SGCZ: variants seen among roughly 807,000 people sequenced by gnomAD.
SGCZ encodes sarcoglycan zeta.
In SGCZ, 40 loss-of-function variants were observed where a neutral mutation model predicts 41.3. The ratio of observed to expected loss-of-function variants is 0.97; its 90% confidence interval spans 0.75 to 1.26. SGCZ has a LOEUF of 1.26. Among genes scored for constraint, SGCZ ranks in the 50% most tolerant of loss-of-function variants. SGCZ has a pLI of 0.00. For missense variants in SGCZ, 552 were observed against 369.8 expected (o/e 1.49, Z -4.04); for synonymous variants, 206 against 137.5 (o/e 1.50, Z -3.49).
At chr8:14,546,660 T>C (rs1803637904) in intron 2 of SGCZ, among the ~76,000 whole-genome samples, 1 of 152,120 alleles carries the variant, frequency 6.6e-6, no homozygotes, top group Admixed American at 6.6e-5. Context: ...TTTGAGGGTA[T>C]TAAGATATCT....
At chr8:15,221,298 A>T (rs1197497554) in intron 1 of SGCZ, among the ~76,000 whole-genome samples, 1 of 152,160 alleles carries the variant, frequency 6.6e-6, no homozygotes, top group Non-Finnish European at 1.5e-5. Flanking sequence ...ATCAAACTAA[A>T]CTAACATGGG....
intron 1 of SGCZ, among the ~76,000 whole-genome samples, chr8:14,966,195 A>C (rs1801121430): frequency 6.6e-6 from 1 of 151,964 alleles, no homozygotes; most frequent in Non-Finnish European, 1.5e-5. Context: ...AACAAACCCA[A>C]GGCAAGAATG....
intron 1 of SGCZ, among the ~76,000 whole-genome samples, chr8:14,885,163 A>G (rs893014828): frequency 1.3e-5 from 2 of 152,170 alleles, no homozygotes; most frequent in East Asian, 1.9e-4. Context: ...TGTATCACAT[A>G]CGAATCTCTA....
intron 5 of SGCZ, among the ~76,000 whole-genome samples, chr8:14,108,609 G>T (rs887998868): frequency 2.0e-5 from 3 of 152,008 alleles, no homozygotes; most frequent in African/African-American, 7.3e-5. Flanking sequence ...CACCTCCATG[G>T]TTCAAATTAT....
At chr8:14,943,366 A>G (rs1800338149) in intron 1 of SGCZ, among the ~76,000 whole-genome samples, 1 of 152,192 alleles carries the variant, frequency 6.6e-6, no homozygotes, top group Admixed American at 6.5e-5. Context: ...AACAGGGTCA[A>G]AAAGGCACTA....
At chr8:14,698,508 A>C (rs1809035686) in intron 1 of SGCZ, among the ~76,000 whole-genome samples, 1 of 151,958 alleles carries the variant, frequency 6.6e-6, no homozygotes, top group Non-Finnish European at 1.5e-5. Flanking sequence ...TAATTTCTAA[A>C]TACAATCCAA....
chr8:15,040,183 A>C (rs1363891218), intron 1 of SGCZ, among the ~76,000 whole-genome samples: 2 of 152,360 alleles, frequency 1.3e-5, no homozygotes, highest in East Asian at 1.9e-4. Flanking sequence ...TTTAAATACT[A>C]ATGGTTCTAA....
chr8:15,197,893 C>G (rs780473778), intron 1 of SGCZ, among the ~76,000 whole-genome samples: 1 of 151,398 alleles, frequency 6.6e-6, no homozygotes, highest in Non-Finnish European at 1.5e-5. Context: ...TATACACACA[C>G]ACACACATTC....
intron 1 of SGCZ, among the ~76,000 whole-genome samples, chr8:14,795,279 A>C (rs1465876790): frequency 6.6e-6 from 1 of 152,188 alleles, no homozygotes; most frequent in Non-Finnish European, 1.5e-5. Flanking sequence ...ATAAATTAGG[A>C]TTTACTTAAC....
At chr8:14,464,516 G>T in intron 2 of SGCZ, among the ~76,000 whole-genome samples, 1 of 143,050 alleles carries the variant, frequency 7.0e-6, no homozygotes, top group African/African-American at 2.6e-5. Flanking sequence ...TCATCTAGCT[G>T]TTTGCCAGTT....
At chr8:14,377,183 T>A (rs28558389) in intron 2 of SGCZ, among the ~76,000 whole-genome samples, 5,268 of 152,212 alleles carry the variant, frequency 0.035, 238 homozygotes, top group African/African-American at 0.11. Context: ...GAGAGGGACT[T>A]GAGATTGAGT....
intron 1 of SGCZ, among the ~76,000 whole-genome samples, chr8:14,685,385 T>G (rs1306630392): frequency 6.6e-6 from 1 of 152,094 alleles, no homozygotes; most frequent in Non-Finnish European, 1.5e-5. Context: ...TTAAGGCACG[T>G]TTAAAATATA....
At chr8:15,148,443 C>G (rs1269032800) in intron 1 of SGCZ, among the ~76,000 whole-genome samples, 2 of 152,100 alleles carry the variant, frequency 1.3e-5, no homozygotes, top group Non-Finnish European at 2.9e-5. Context: ...TGTGTGACCT[C>G]CTGGGTATTA....
In SGCZ at chr8:14,804,469, A is replaced by C. The variant is rs550009531; in HGVS notation, c.40-249543T>G. Among the ~76,000 whole-genome samples the C allele has an allele frequency of 3.1e-3, 397 of 128,064 alleles. 3 individuals carry two copies. The highest frequency in any genetic ancestry group is 0.011 in the African/African-American group (383 of 34,786). The allele number at this position is 128,064 out of a possible 152,430, so 84.0% of individuals were successfully genotyped here. A position where few individuals can be genotyped will look rare whatever the true frequency, so the allele number is the denominator to read the frequency against. ...GGAGCCGATGCGATCAACTGGAAGA[A>C]AGGGTATCAGCAGTGGAAGATGAAA... On this transcript the variant is annotated intron_variant, in intron 1 of 7. Transcript: ENST00000382080.
chr8:15,140,154 C>G (rs1477215915), intron 1 of SGCZ, among the ~76,000 whole-genome samples: 1 of 152,062 alleles, frequency 6.6e-6, no homozygotes, highest in African/African-American at 2.4e-5. Context: ...TCCTGAGTAG[C>G]TGGGTGCACA....
intron 2 of SGCZ, among the ~76,000 whole-genome samples, chr8:14,462,300 T>C (rs185542842): frequency 1.3e-5 from 2 of 152,022 alleles, no homozygotes; most frequent in African/African-American, 4.8e-5. Flanking sequence ...AACACACAGG[T>C]ATTTATGCAT....
At chr8:14,982,850 C>T (rs1043273347) in intron 1 of SGCZ, among the ~76,000 whole-genome samples, 7 of 152,178 alleles carry the variant, frequency 4.6e-5, no homozygotes, top group Non-Finnish European at 1.0e-4. Context: ...CTATAAGCAG[C>T]AACTGCTACT....
At chr8:14,399,502 C>T (rs1563304311) in intron 2 of SGCZ, among the ~76,000 whole-genome samples, 2 of 152,100 alleles carry the variant, frequency 1.3e-5, no homozygotes, top group East Asian at 3.9e-4. Flanking sequence ...TTCTTTCTCG[C>T]TTCACAGATG....
In SGCZ at chr8:14,421,779, C is replaced by T. The variant is rs1295947731; in HGVS notation, c.235-97575G>A. ...TTAATCCCAAAAGCTCAAAATAGGG[C>T]TTGATATATACTAGGAGTCAATAAA... On this transcript the variant is annotated intron_variant, in intron 2 of 7. Transcript: ENST00000382080. Among the ~76,000 whole-genome samples the T allele has an allele frequency of 2.6e-5, 4 of 151,928 alleles. No individual in the cohort carries two copies. The East Asian group carries it at 7.7e-4, about 29-fold the overall frequency.
Sources: gnomAD v4.1 joint callset for allele counts (sites outside exome capture counted in the v4.1 genomes callset) on GRCh38, gnomAD v4.1.1 for gene constraint, MANE v1.5 for transcripts, NCBI Gene and HGNC (gene_info 2026-07-23, HGNC 2026-07-21) for gene names.